MDGA2: variants seen among roughly 807,000 people sequenced by gnomAD.
The protein encoded by MDGA2 is MAM domain containing glycosylphosphatidylinositol anchor 2.
MDGA2 carries 40 observed loss-of-function variants against 117.8 expected under a neutral mutation model. The observed-to-expected ratio is 0.34, with a 90% CI of 0.26 to 0.44. MDGA2 has a LOEUF of 0.44. Ranked by LOEUF, MDGA2 falls within the 20% of genes least tolerant of loss-of-function variation. The probability of loss-of-function intolerance (pLI) is 1.00; values close to 1 mark genes in which losing one functional copy is unlikely to be tolerated. For missense variants in MDGA2, 1,123 were observed against 1,250.6 expected (o/e 0.90, Z 1.54); for synonymous variants, 452 against 439.0 (o/e 1.03, Z -0.37).
intron 1 of MDGA2, among the ~76,000 whole-genome samples, chr14:47,326,686 TACAC>T (rs34047797): frequency 6.7e-6 from 1 of 148,254 alleles, no homozygotes; most frequent in Non-Finnish European, 1.5e-5. Context: ...TAAGATAGTA[TACAC>T]ACACACACAC....
intron 2 of MDGA2, among the ~76,000 whole-genome samples, chr14:47,229,133 G>T (rs1886604078): frequency 6.6e-6 from 1 of 152,136 alleles, no homozygotes; most frequent in Non-Finnish European, 1.5e-5. Context: ...TTTCAAGCTT[G>T]CTAAATTAAC....
chr14:47,155,510 T>C (rs2139247576), intron 3 of MDGA2, among the ~76,000 whole-genome samples: 1 of 152,272 alleles, frequency 6.6e-6, no homozygotes, highest in East Asian at 1.9e-4. Flanking sequence ...CCCCAGTGTC[T>C]GCAGTGAAAG....
intron 2 of MDGA2, among the ~76,000 whole-genome samples, chr14:47,263,783 A>T (rs916848873): frequency 1.3e-5 from 2 of 152,170 alleles, no homozygotes; most frequent in Non-Finnish European, 2.9e-5. Context: ...CATTCTTTAT[A>T]TCAAAATGAA....
intron 3 of MDGA2, among the ~76,000 whole-genome samples, chr14:47,176,250 C>A (rs929279222): frequency 3.9e-5 from 6 of 152,126 alleles, no homozygotes; most frequent in African/African-American, 1.4e-4. Context: ...GATTCAATGC[C>A]ATCCCCATCA....
At chr14:47,396,975 T>C (rs1892025557) in intron 1 of MDGA2, among the ~76,000 whole-genome samples, 1 of 152,158 alleles carries the variant, frequency 6.6e-6, no homozygotes, top group Non-Finnish European at 1.5e-5. Context: ...AGCAATCCCA[T>C]TACTGGGTAT....
At chr14:47,231,275 C>A (rs1185462129) in intron 2 of MDGA2, among the ~76,000 whole-genome samples, 2 of 151,980 alleles carry the variant, frequency 1.3e-5, no homozygotes, top group Admixed American at 1.3e-4. Context: ...TCTCATTTAA[C>A]CCTCCTAAGA....
intron 3 of MDGA2, among the ~76,000 whole-genome samples, chr14:47,210,089 C>G (rs1018573583): frequency 1.3e-5 from 2 of 152,150 alleles, no homozygotes; most frequent in African/African-American, 4.8e-5. Flanking sequence ...ATAATTCTTT[C>G]TAACACAGGT....
chr14:47,554,080 T>C (rs1007846179), intron 1 of MDGA2, among the ~76,000 whole-genome samples: 1 of 152,226 alleles, frequency 6.6e-6, no homozygotes, highest in African/African-American at 2.4e-5. Context: ...CTCTCCATTA[T>C]GGAAGAGCAT....
At chr14:47,163,276 C>CT (rs1308686498) in intron 3 of MDGA2, among the ~76,000 whole-genome samples, 1 of 152,158 alleles carries the variant, frequency 6.6e-6, no homozygotes, top group African/African-American at 2.4e-5. Flanking sequence ...ACAGAGAACA[C>CT]TTTCCCAACC....
chr14:46,966,463 G>A (rs78262307), intron 8 of MDGA2, among the ~76,000 whole-genome samples: 17,953 of 152,172 alleles, frequency 0.12, 2,016 homozygotes, highest in African/African-American at 0.27. Context: ...AAAATTCACA[G>A]CCTTGCAAAG....
intron 14 of MDGA2, 92 bp downstream of exon 14, chr14:46,873,341 A>G (rs1882091631): frequency 8.4e-7 from 1 of 1,192,634 alleles, no homozygotes; most frequent in African/African-American, 1.6e-5. Flanking sequence ...GCATTCTTTG[A>G]CCAAAAATTG....
chr14:47,439,385 T>C (rs1455031603), intron 1 of MDGA2, among the ~76,000 whole-genome samples: 1 of 152,090 alleles, frequency 6.6e-6, no homozygotes, highest in Admixed American at 6.6e-5. Context: ...GAATAATTTA[T>C]ACTTACATAA....
chr14:47,159,769 C>CTTAG, intron 3 of MDGA2, among the ~76,000 whole-genome samples: 1 of 152,098 alleles, frequency 6.6e-6, no homozygotes, highest in South Asian at 2.1e-4. Flanking sequence ...GAACTGTCTA[C>CTTAG]TTAGATCCTT....
At chr14:46,910,388 CTGTT>C (rs945630389) in intron 10 of MDGA2, among the ~76,000 whole-genome samples, 2 of 152,118 alleles carry the variant, frequency 1.3e-5, no homozygotes, top group African/African-American at 2.4e-5. Context: ...GCATTAATGA[CTGTT>C]TGATTTTTCT....
chr14:47,399,241 C>A (rs918461029), intron 1 of MDGA2, among the ~76,000 whole-genome samples: 13 of 152,086 alleles, frequency 8.5e-5, no homozygotes, highest in African/African-American at 2.7e-4. Context: ...TACCACAACA[C>A]CACAACAAAA....
At chr14:47,477,119 G>A (rs571558276) in intron 1 of MDGA2, among the ~76,000 whole-genome samples, 55 of 152,306 alleles carry the variant, frequency 3.6e-4, no homozygotes, top group Admixed American at 1.9e-3. Context: ...CCGAGATCGT[G>A]CCATTGCACT....
intron 1 of MDGA2, among the ~76,000 whole-genome samples, chr14:47,459,242 C>T (rs1443536764): frequency 6.6e-6 from 1 of 151,970 alleles, no homozygotes; most frequent in Non-Finnish European, 1.5e-5. Context: ...AGAAGGATTA[C>T]CTCCGAAGGC....
chr14:47,408,880 T>C (rs1488502299), intron 1 of MDGA2, among the ~76,000 whole-genome samples: 1 of 152,060 alleles, frequency 6.6e-6, no homozygotes, highest in Admixed American at 6.6e-5. Flanking sequence ...AAGGTAATAT[T>C]TGAGAAAAGA....
intron 5 of MDGA2, among the ~76,000 whole-genome samples, chr14:47,111,960 A>G (rs1200667746): frequency 6.6e-6 from 1 of 152,174 alleles, no homozygotes; most frequent in East Asian, 1.9e-4. Flanking sequence ...TCTCCAAGGA[A>G]GAGCCTGACA....
Sources: gnomAD v4.1 joint callset for allele counts (sites outside exome capture counted in the v4.1 genomes callset) on GRCh38, gnomAD v4.1.1 for gene constraint, MANE v1.5 for transcripts, NCBI Gene and HGNC (gene_info 2026-07-23, HGNC 2026-07-21) for gene names.